The following RIMS2 variants were observed in gnomAD, a reference collection of about 807,000 sequenced individuals.
The protein encoded by RIMS2 is regulating synaptic membrane exocytosis 2.
A neutral mutation model predicts 174.4 loss-of-function variants in RIMS2; 59 were observed. The observed-to-expected ratio is 0.34, with a 90% CI of 0.27 to 0.42. The LOEUF is 0.42. RIMS2 is among the 10% of genes least tolerant of loss of function. The pLI, the probability that RIMS2 is intolerant of heterozygous loss-of-function variation, is 1.00. For synonymous variants in RIMS2, 606 were observed against 572.5 expected (o/e 1.06, Z -0.84); for missense variants, 1,620 against 1,666.3 (o/e 0.97, Z 0.48).
intron 1 of RIMS2, among the ~76,000 whole-genome samples, chr8:103,526,849 GA>G (rs1345012302): frequency 6.6e-6 from 1 of 152,062 alleles, no homozygotes; most frequent in Non-Finnish European, 1.5e-5. Context: ...AATATTTGAA[GA>G]AATAATGGCT....
intron 22 of RIMS2, among the ~76,000 whole-genome samples, chr8:104,249,845 A>G (rs534583891): frequency 4.4e-4 from 67 of 152,210 alleles, no homozygotes; most frequent in Non-Finnish European, 8.7e-4. Flanking sequence ...AAACCACCCC[A>G]CTTAGATCAT....
chr8:104,216,549 G>C (rs1454587830), intron 19 of RIMS2, among the ~76,000 whole-genome samples: 2 of 152,164 alleles, frequency 1.3e-5, no homozygotes, highest in African/African-American at 4.8e-5. Context: ...GCTTATTCCT[G>C]ATCTCATTTC....
chr8:103,587,409 G>GAAGAAAGAAAGAAAGAAAGAAAGAAAGA (rs201019003), intron 1 of RIMS2, among the ~76,000 whole-genome samples: 49 of 117,142 alleles, frequency 4.2e-4, no homozygotes, highest in Middle Eastern at 3.8e-3. Context: ...GAAGAAAAAA[G>GAAGAAAGAAAGAAAGAAAGAAAGAAAGA]AAGAAAGAAA....
At chr8:103,731,749 A>C (rs2097598312) in intron 2 of RIMS2, among the ~76,000 whole-genome samples, 1 of 152,072 alleles carries the variant, frequency 6.6e-6, no homozygotes, top group Admixed American at 6.6e-5. Context: ...TGCATTCTTC[A>C]GTATGTCAGT....
At chr8:104,003,495 C>T (rs1301748749) in intron 17 of RIMS2, among the ~76,000 whole-genome samples, 1 of 151,574 alleles carries the variant, frequency 6.6e-6, no homozygotes, top group Non-Finnish European at 1.5e-5. Flanking sequence ...CTCACTGCAA[C>T]CTCCACCTCC....
intron 3 of RIMS2, among the ~76,000 whole-genome samples, chr8:103,833,657 A>T (rs1173340314): frequency 1.3e-5 from 2 of 152,020 alleles, no homozygotes; most frequent in Non-Finnish European, 2.9e-5. Context: ...GTGAATTATT[A>T]ATTTCCAATA....
chr8:104,253,008 C>CT (rs1223386244), downstream of RIMS2: 1 of 152,204 alleles, frequency 6.6e-6, no homozygotes, highest in Non-Finnish European at 1.5e-5. Context: ...ACTTTAAGAG[C>CT]TTTCTTTATT....
chr8:103,808,416 C>A (rs7813212), intron 3 of RIMS2, among the ~76,000 whole-genome samples: 17,272 of 151,950 alleles, frequency 0.11, 1,324 homozygotes, highest in African/African-American at 0.22. Flanking sequence ...ATTTTATCTC[C>A]GGGTGATCTC....
At chr8:103,514,893 G>A (rs1048935837) in intron 1 of RIMS2, among the ~76,000 whole-genome samples, 3 of 150,578 alleles carry the variant, frequency 2.0e-5, no homozygotes, top group African/African-American at 7.4e-5. Flanking sequence ...GCAAGACTCT[G>A]TCTCAAAAAC....
intron 1 of RIMS2, among the ~76,000 whole-genome samples, chr8:103,684,895 T>G (rs1441827891): frequency 6.6e-6 from 1 of 152,098 alleles, no homozygotes; most frequent in Non-Finnish European, 1.5e-5. Context: ...CACATACTTT[T>G]TATATCCTAT....
rs192704603 is a variant in RIMS2 at position 103,530,192 on chromosome 8, C to T, written c.176+29130C>T. On this transcript the variant is annotated intron_variant, in intron 1 of 23. Coordinates refer to ENST00000504942, the Ensembl canonical transcript of RIMS2. Reference sequence around the variant, plus strand: ...TTGCCAGGAAGAAGTAAACATATCACATATGTTAGGGTTTGATGATTTGTA... The same window carrying T: ...TTGCCAGGAAGAAGTAAACATATCATATATGTTAGGGTTTGATGATTTGTA... Among the ~76,000 whole-genome samples, 15 of 152,208 alleles carry T rather than the reference C, an allele frequency of 9.9e-5. No individual in the cohort carries two copies. In the East Asian group the frequency reaches 2.9e-3, roughly 29 times the overall value.
At chr8:103,524,044 TAA>T (rs1331028286) in intron 1 of RIMS2, among the ~76,000 whole-genome samples, 1 of 152,186 alleles carries the variant, frequency 6.6e-6, no homozygotes, top group Non-Finnish European at 1.5e-5. Flanking sequence ...ACTGTAATTG[TAA>T]TAAAAATTGG....
intron 1 of RIMS2, among the ~76,000 whole-genome samples, chr8:103,527,788 C>T (rs1834818474): frequency 1.3e-5 from 2 of 152,170 alleles, no homozygotes; most frequent in African/African-American, 4.8e-5. Flanking sequence ...TCCAGTCTAT[C>T]AGTGATGGAC....
intron 19 of RIMS2, among the ~76,000 whole-genome samples, chr8:104,072,361 A>G (rs919519529): frequency 1.3e-5 from 2 of 152,154 alleles, no homozygotes; most frequent in African/African-American, 4.8e-5. Flanking sequence ...AATGCAAGTT[A>G]TAGAGCCTCC....
intron 3 of RIMS2, among the ~76,000 whole-genome samples, chr8:103,876,847 TACAC>T (rs552930369): frequency 7.9e-6 from 1 of 125,824 alleles, no homozygotes; most frequent in African/African-American, 2.8e-5. Flanking sequence ...TGTGTATATA[TACAC>T]ACACACACTA....
intron 19 of RIMS2, among the ~76,000 whole-genome samples, chr8:104,238,267 G>A (rs1051965989): frequency 6.6e-6 from 1 of 152,040 alleles, no homozygotes; most frequent in Admixed American, 6.6e-5. Context: ...AGGGACACAG[G>A]GAGGGGAACA....
At position 103,697,524 on chromosome 8, in the gene RIMS2, C is replaced by T. The variant is rs530710204; in HGVS notation, c.387+228C>T. On this transcript the variant is annotated intron_variant, in intron 2 of 23. Coordinates refer to ENST00000504942, the Ensembl canonical transcript of RIMS2. ...AGGAGTTCTAGACTATCTTGGGCAA[C>T]ATGGTGAAACCCTGTCTCTACGAAA... 2.0e-5 allele frequency among the ~76,000 whole-genome samples: 3 copies of T among 146,576 alleles called. No individual in the cohort carries two copies. The South Asian group carries it at 6.5e-4, about 32-fold the overall frequency.
intron 1 of RIMS2, among the ~76,000 whole-genome samples, chr8:103,627,493 G>A (rs1307136612): frequency 6.6e-6 from 1 of 152,182 alleles, no homozygotes; most frequent in African/African-American, 2.4e-5. Flanking sequence ...TAAGAGTATT[G>A]ATTGGGGAAG....
intron 19 of RIMS2, among the ~76,000 whole-genome samples, chr8:104,101,527 T>A (rs893057495): frequency 2.6e-5 from 4 of 152,166 alleles, no homozygotes; most frequent in Admixed American, 6.5e-5. Context: ...TAAAATGTGA[T>A]GTTTTGATAT....
Sources: gnomAD v4.1 joint callset for allele counts (sites outside exome capture counted in the v4.1 genomes callset) on GRCh38, gnomAD v4.1.1 for gene constraint, MANE v1.5 for transcripts, NCBI Gene and HGNC (gene_info 2026-07-23, HGNC 2026-07-21) for gene names.